ARVCF: variants seen among roughly 807,000 people sequenced by gnomAD.
ARVCF encodes splicing regulator ARVCF.
A neutral mutation model predicts 90.9 loss-of-function variants in ARVCF; 66 were observed. The observed-to-expected ratio is 0.73, with a 90% CI of 0.60 to 0.89. The LOEUF is 0.89. ARVCF is among the 40% of genes least tolerant of loss of function. The probability of loss-of-function intolerance (pLI) is 0.00; values close to 1 mark genes in which losing one functional copy is unlikely to be tolerated. For missense variants in ARVCF, 1,469 were observed against 1,382.3 expected (o/e 1.06, Z -1.00); for synonymous variants, 653 against 603.4 (o/e 1.08, Z -1.21).
At chr22:20,015,493 T>C (rs893218297) in intron 1 of ARVCF, among the ~76,000 whole-genome samples, 8 of 151,526 alleles carry the variant, frequency 5.3e-5, no homozygotes, top group Non-Finnish European at 8.8e-5. Context: ...TCCAATAGAG[T>C]GAGTACAAGA....
intron 2 of ARVCF, among the ~76,000 whole-genome samples, chr22:19,995,033 A>G (rs775689374): frequency 6.6e-6 from 1 of 151,288 alleles, no homozygotes; most frequent in Non-Finnish European, 1.5e-5. Context: ...AGACAGCTAG[A>G]TGGATGATTG....
downstream of ARVCF, chr22:19,968,916 T>C (rs1942589502): frequency 3.3e-6 from 2 of 614,228 alleles, no homozygotes; most frequent in Non-Finnish European, 5.8e-6. Flanking sequence ...TGTTCTTTTT[T>C]AAGACTCAAT....
chr22:19,986,626 C>T (rs1943782890), intron 3 of ARVCF: 1 of 157,608 alleles, frequency 6.3e-6, no homozygotes. Context: ...AGAGGAGGAA[C>T]CCTCTCAGGG....
intron 1 of ARVCF, among the ~76,000 whole-genome samples, chr22:20,011,739 C>T (rs1477727782): frequency 6.6e-6 from 1 of 152,222 alleles, no homozygotes; most frequent in Non-Finnish European, 1.5e-5. Flanking sequence ...GGAGATGCTG[C>T]TCCTACTCCA....
chr22:20,008,256 C>T (rs780363698), intron 2 of ARVCF, among the ~76,000 whole-genome samples: 5 of 152,308 alleles, frequency 3.3e-5, no homozygotes, highest in African/African-American at 9.6e-5. Flanking sequence ...TGCAGGCACA[C>T]GGCGGCTGAT....
intron 2 of ARVCF, among the ~76,000 whole-genome samples, chr22:19,999,526 ACT>A (rs1437119485): frequency 2.0e-5 from 3 of 151,380 alleles, no homozygotes; most frequent in Non-Finnish European, 4.4e-5. Flanking sequence ...CTGGCACCCC[ACT>A]CTCTGCTGAC....
At chr22:19,975,993 C>G (rs1943134018) in intron 10 of ARVCF, among the ~76,000 whole-genome samples, 1 of 152,062 alleles carries the variant, frequency 6.6e-6, no homozygotes, top group Non-Finnish European at 1.5e-5. Flanking sequence ...TAGGACTCAT[C>G]TCCCACCAGG....
At position 19,974,160 on chromosome 22, in the gene ARVCF, C is replaced by T. The variant is rs774329687; in HGVS notation, c.2040G>A (p.Leu680=). 6.2e-7 allele frequency: 1 copy of T among 1,613,078 alleles called. No individual in the cohort carries two copies. Among genetic ancestry groups the T allele is most frequent in the Admixed American group, 1.7e-5 (1 of 60,012 alleles). ...TCTGCAGAGCGCCGGCGGCAGCCTCCAGGGTGTTGAAGTTCCGGCTCTCCG... is the reference window on the plus strand; with the variant it reads ...TCTGCAGAGCGCCGGCGGCAGCCTCTAGGGTGTTGAAGTTCCGGCTCTCCG... ...LLTESRNFNT[L]EAAAGALQNL... is the part of the protein sequence containing the mutation. The change falls in exon 12 of 20, where the codon CTG becomes CTA. Residue 680 remains leucine (L), a synonymous_variant. Coordinates refer to ENST00000263207, the MANE Select transcript of ARVCF (RefSeq NM_001670.3).
chr22:20,000,525 C>A (rs909346684), intron 2 of ARVCF, among the ~76,000 whole-genome samples: 1 of 152,194 alleles, frequency 6.6e-6, no homozygotes, highest in Non-Finnish European at 1.5e-5. Flanking sequence ...ACCAGGAGAG[C>A]CTCGGGACTT....
chr22:19,974,483 G>A (rs924936894), intron 11 of ARVCF, among the ~76,000 whole-genome samples: 2 of 152,156 alleles, frequency 1.3e-5, no homozygotes, highest in African/African-American at 4.8e-5. Context: ...GAGCATCCAG[G>A]AGGCCTGGGG....
rs564574236 is a variant in ARVCF, at chr22:19,989,078, C to T, written c.210+1507G>A. Among the ~76,000 whole-genome samples the T allele has an allele frequency of 5.3e-4, 81 of 152,296 alleles. 1 individual carries two copies. The highest frequency in any genetic ancestry group is 2.0e-3 in the Admixed American group (31 of 15,308). On this transcript the variant is annotated intron_variant, in intron 3 of 19. Transcript: ENST00000263207. ...ACTGAGCACACTGGCGCCTGAGAGG[C>T]GGCCTCGGGGTCACTGGCTTCCACT...
At chr22:19,991,244 C>T (rs1320602840) in intron 2 of ARVCF, among the ~76,000 whole-genome samples, 2 of 152,252 alleles carry the variant, frequency 1.3e-5, no homozygotes, top group Admixed American at 1.3e-4. Context: ...GGGTGGGGGA[C>T]CATTTGTAGC....
intron 2 of ARVCF, among the ~76,000 whole-genome samples, chr22:20,008,734 C>A (rs749242148): frequency 2.6e-5 from 4 of 152,202 alleles, no homozygotes; most frequent in Non-Finnish European, 5.9e-5. Context: ...GTTGCCCAAG[C>A]CAGAGCAGAG....
chr22:20,016,614 C>T lies in ARVCF; in HGVS notation c.-98G>A, dbSNP rs1945198094. The stretch of plus-strand genomic sequence containing the variant: ...CTGGAGCGCAGCGTGGGCGGCCCCG[C>T]AGCGCGGCCTCGGACCCCAGAAGGG... On this transcript the variant is annotated 5_prime_UTR_variant, in exon 1 of 20. Transcript: ENST00000263207. The T allele has an allele frequency of 6.6e-6, 1 of 151,736 alleles. No homozygotes were observed. The highest frequency in any genetic ancestry group is 6.5e-5 in the Admixed American group (1 of 15,268). The allele number at this position is 151,736 out of a possible 1,614,324, so 9.4% of individuals were successfully genotyped here. A position where few individuals can be genotyped will look rare whatever the true frequency, so the allele number is the denominator to read the frequency against.
chr22:19,984,403 A>C (rs1178321505), intron 3 of ARVCF, among the ~76,000 whole-genome samples: 1 of 152,114 alleles, frequency 6.6e-6, no homozygotes, highest in Admixed American at 6.5e-5. Context: ...ACCACCCATC[A>C]GCCCCGGCCT....
chr22:19,975,723 G>A lies in ARVCF; in HGVS notation c.1923C>T (p.Asp641=), dbSNP rs1569153064. Residue 641 remains aspartate, a synonymous_variant, in exon 11 of 20, where the codon GAC becomes GAT. Transcript: ENST00000263207. ...KKDGEMDRNF[D]TLDLPKRTEA... ...CAGTTCGCTTGGGCAGGTCTAGCGTGTCAAAGTTCCGGTCCATCTCACCAT... is the reference window on the plus strand; with the variant it reads ...CAGTTCGCTTGGGCAGGTCTAGCGTATCAAAGTTCCGGTCCATCTCACCAT... 3.1e-6 allele frequency: 5 copies of A among 1,613,706 alleles called. No individual in the cohort carries two copies. Among genetic ancestry groups the A allele is most frequent in the Non-Finnish European group, 4.2e-6 (5 of 1,179,982 alleles).
intron 13 of ARVCF, 104 bp downstream of exon 13, chr22:19,973,539 G>T: frequency 6.7e-7 from 1 of 1,502,028 alleles, no homozygotes; most frequent in Non-Finnish European, 8.9e-7. Flanking sequence ...GAGAGGGCCG[G>T]GGCCTGGACT....
Position 19,997,739 on chromosome 22 carries a change from G to C in ARVCF, c.-18-6927C>G, listed in dbSNP as rs940710544. ...CTGCCAGTGCAGTGTCTTCTCCCCT[G>C]CACACTCAGCCCACCCACTCCGCCC... On this transcript the variant is annotated intron_variant, in intron 2 of 19. Transcript: ENST00000263207. 3.3e-5 allele frequency among the ~76,000 whole-genome samples: 5 copies of C among 152,232 alleles called. No homozygotes were observed. The East Asian group carries it at 7.7e-4, about 23-fold the overall frequency.
chr22:20,004,868 A>T (rs888264989), intron 2 of ARVCF, among the ~76,000 whole-genome samples: 4 of 152,238 alleles, frequency 2.6e-5, no homozygotes, highest in African/African-American at 9.6e-5. Context: ...CCCTTACCTT[A>T]TTACATACAC....
Sources: gnomAD v4.1 joint callset for allele counts (sites outside exome capture counted in the v4.1 genomes callset) on GRCh38, gnomAD v4.1.1 for gene constraint, MANE v1.5 for transcripts, NCBI Gene and HGNC (gene_info 2026-07-23, HGNC 2026-07-21) for gene names.